Variants in DOCK4 observed in about 807,000 individuals in gnomAD.
DOCK4 encodes dedicator of cytokinesis protein 4.
In DOCK4, 97 loss-of-function variants were observed where a neutral mutation model predicts 268.1. That is an observed-to-expected ratio of 0.36 (90% confidence interval 0.31 to 0.43). The LOEUF (loss-of-function observed/expected upper bound fraction) is 0.43, where lower values mean the gene tolerates loss of function less well. DOCK4 is among the 20% of genes least tolerant of loss of function. DOCK4 has a pLI of 1.00. For synonymous variants in DOCK4, 954 were observed against 887.2 expected (o/e 1.08, Z -1.34); for missense variants, 2,145 against 2,455.7 (o/e 0.87, Z 2.67).
intron 44 of DOCK4, among the ~76,000 whole-genome samples, chr7:111,742,758 C>T (rs1796004781): frequency 6.6e-6 from 1 of 152,182 alleles, no homozygotes; most frequent in African/African-American, 2.4e-5. Flanking sequence ...CTTTGGGAGG[C>T]CAAGGCGGGT....
intron 16 of DOCK4, among the ~76,000 whole-genome samples, chr7:111,879,918 C>G (rs972601956): frequency 1.3e-5 from 2 of 152,000 alleles, no homozygotes; most frequent in Admixed American, 1.3e-4. Flanking sequence ...CAATGACGCA[C>G]TTCTACAATA....
At chr7:111,829,019 T>C (rs1586111455) in intron 26 of DOCK4, among the ~76,000 whole-genome samples, 1 of 151,890 alleles carries the variant, frequency 6.6e-6, no homozygotes, top group Non-Finnish European at 1.5e-5. Flanking sequence ...AAATACACTT[T>C]ATCACTTTTT....
At chr7:111,892,290 T>C (rs550327127) in intron 16 of DOCK4, among the ~76,000 whole-genome samples, 2 of 152,180 alleles carry the variant, frequency 1.3e-5, no homozygotes, top group Non-Finnish European at 2.9e-5. Context: ...AACCTCCGCC[T>C]CCTGGGTTCA....
chr7:111,786,410 T>G (rs553834084), intron 32 of DOCK4, among the ~76,000 whole-genome samples: 3 of 152,200 alleles, frequency 2.0e-5, no homozygotes, highest in African/African-American at 4.8e-5. Flanking sequence ...TGATACTCTA[T>G]TCTGGATATT....
intron 8 of DOCK4, among the ~76,000 whole-genome samples, chr7:111,960,795 C>A (rs961615766): frequency 1.3e-5 from 2 of 152,058 alleles, no homozygotes; most frequent in South Asian, 2.1e-4. Flanking sequence ...TCTCTCTGTG[C>A]CTGGCTTATT....
intron 1 of DOCK4, among the ~76,000 whole-genome samples, chr7:112,165,559 T>TGCGCGCGC (rs369341986): frequency 1.3e-5 from 2 of 148,152 alleles, no homozygotes; most frequent in Non-Finnish European, 3.0e-5. Flanking sequence ...TGTGTGTGTG[T>TGCGCGCGC]GCGTGTGTGT....
At position 111,788,705 on chromosome 7, in the gene DOCK4, C is replaced by A; in HGVS notation, c.3358G>T (p.Glu1120Ter). Residue 1120 changes from glutamate to a stop codon, truncating the protein, a stop_gained, in exon 32 of 53, where the codon GAA becomes TAA. Coordinates refer to ENST00000428084, the MANE Select transcript of DOCK4 (RefSeq NM_001363540.2). LOFTEE classifies it high-confidence loss of function. Reference sequence around the variant, plus strand: ...CGGTATGTTTCGTCACCTTTGCCTTCTGACATCAGGCTATCCAGTTTGTCA... The same window carrying A: ...CGGTATGTTTCGTCACCTTTGCCTTATGACATCAGGCTATCCAGTTTGTCA... ...LIDKLDSLMS[E>*]GKGDETYREL... is the part of the protein sequence containing the mutation. 1 of 1,594,336 alleles carries A rather than the reference C, an allele frequency of 6.3e-7. No individual in the cohort carries two copies. Among genetic ancestry groups the A allele is most frequent in the East Asian group, 2.3e-5 (1 of 44,384 alleles).
At chr7:111,840,709 A>T in intron 25 of DOCK4, 1 of 908,400 alleles carries the variant, frequency 1.1e-6, no homozygotes, top group Non-Finnish European at 1.4e-6. Context: ...CATGGTGCTT[A>T]CAGAGCACTG....
chr7:111,811,774 A>T, intron 28 of DOCK4, 100 bp downstream of exon 28: 1 of 713,000 alleles, frequency 1.4e-6, no homozygotes, highest in Non-Finnish European at 2.4e-6. Context: ...TATTCCTCAT[A>T]GTTAAAACTA....
Position 111,933,301 on chromosome 7 carries a change from T to A in DOCK4, c.1066+2239A>T, listed in dbSNP as rs868821817. On this transcript the variant is annotated intron_variant, in intron 12 of 52. Transcript: ENST00000428084. ...ATACATATATATATATATATATATT[T>A]TTTTTTTTTTTTGAGATGGAGTCTC... Among the ~76,000 whole-genome samples the A allele has an allele frequency of 8.4e-3, 1,085 of 129,442 alleles. 84 individuals carry two copies. Among genetic ancestry groups the A allele is most frequent in the African/African-American group, 0.03 (968 of 32,202 alleles). 84.9% of individuals were successfully genotyped at this position (129,442 alleles called of 152,430 possible). A position where few individuals can be genotyped will look rare whatever the true frequency, so the allele number is the denominator to read the frequency against.
intron 39 of DOCK4, among the ~76,000 whole-genome samples, chr7:111,763,714 T>C (rs1797595389): frequency 6.7e-6 from 1 of 148,266 alleles, no homozygotes; most frequent in African/African-American, 2.4e-5. Flanking sequence ...GCCATCTGTG[T>C]GGCTATAGCT....
At chr7:111,942,578 T>C (rs1795297546) in intron 10 of DOCK4, among the ~76,000 whole-genome samples, 1 of 152,160 alleles carries the variant, frequency 6.6e-6, no homozygotes, top group South Asian at 2.1e-4. Flanking sequence ...TCTGTTCCCC[T>C]GGTCACCTGC....
chr7:111,989,469 C>T (rs758984397), intron 5 of DOCK4, among the ~76,000 whole-genome samples: 1 of 152,196 alleles, frequency 6.6e-6, no homozygotes, highest in African/African-American at 2.4e-5. Context: ...CAAGAAGACT[C>T]GGCTTGACTT....
chr7:112,035,105 C>T (rs888619389), intron 1 of DOCK4, among the ~76,000 whole-genome samples: 7 of 152,104 alleles, frequency 4.6e-5, no homozygotes, highest in East Asian at 3.9e-4. Flanking sequence ...TCTCCCTACC[C>T]TCACACCCTT....
chr7:111,918,656 C>T (rs981623395), intron 12 of DOCK4, among the ~76,000 whole-genome samples: 1 of 152,194 alleles, frequency 6.6e-6, no homozygotes, highest in Non-Finnish European at 1.5e-5. Context: ...GTTCTCCTCC[C>T]ACTTCTGTCC....
chr7:112,070,702 T>G (rs1021394054), intron 1 of DOCK4, among the ~76,000 whole-genome samples: 1 of 151,902 alleles, frequency 6.6e-6, no homozygotes, highest in African/African-American at 2.4e-5. Context: ...ACTATAAAAT[T>G]AAAAATAAAA....
chr7:111,844,562 C>T (rs1360616131), intron 25 of DOCK4, among the ~76,000 whole-genome samples: 2 of 152,238 alleles, frequency 1.3e-5, no homozygotes, highest in Non-Finnish European at 2.9e-5. Flanking sequence ...CAATTAAAAA[C>T]TGCTTATTCC....
At position 111,998,490 on chromosome 7, in the gene DOCK4, G is replaced by A. The variant is rs768365382; in HGVS notation, c.176C>T (p.Ser59Phe). 2 of 1,590,474 alleles carry A rather than the reference G, an allele frequency of 1.3e-6. No individual in the cohort carries two copies. Among genetic ancestry groups the A allele is most frequent in the Non-Finnish European group, 1.7e-6 (2 of 1,166,410 alleles). The change falls in exon 4 of 53, where the codon TCC becomes TTC. Residue 59 changes from serine (S) to phenylalanine (F), a missense_variant. Ser to Phe is a radical substitution (Grantham distance 155). Coordinates refer to ENST00000428084, the MANE Select transcript of DOCK4 (RefSeq NM_001363540.2). ...KNPNIKGIFP[S>F]SYVHLKNACV... ...GGCATTTTTCAAGTGAACGTAGCTG[G>A]AAGGAAATATACCCTGGAAAAGAAA...
At chr7:111,732,408 A>C in intron 51 of DOCK4, 121 bp from the exon 52 acceptor site, 4 of 963,490 alleles carry the variant, frequency 4.2e-6, no homozygotes, top group Non-Finnish European at 4.8e-6. Context: ...CTTCTAAGCA[A>C]AGGGGGTGGT....
Sources: allele counts gnomAD v4.1 joint callset (sites outside exome capture counted in the v4.1 genomes callset), GRCh38; gene constraint gnomAD v4.1.1; transcripts MANE v1.5; gene names NCBI Gene and HGNC (gene_info 2026-07-23, HGNC 2026-07-21).